The following FGF14 variants were observed in gnomAD, a reference collection of about 807,000 sequenced individuals.
FGF14 encodes fibroblast growth factor homologous factor 4.
In FGF14, 5 loss-of-function variants were observed where a neutral mutation model predicts 25.5. The observed-to-expected ratio is 0.20, with a 90% CI of 0.10 to 0.41. The LOEUF (loss-of-function observed/expected upper bound fraction) is 0.41, where lower values mean the gene tolerates loss of function less well. FGF14 is among the 10% of genes least tolerant of loss of function. The probability of loss-of-function intolerance (pLI) is 1.00; values close to 1 mark genes in which losing one functional copy is unlikely to be tolerated. For synonymous variants in FGF14, 138 were observed against 118.3 expected (o/e 1.17, Z -1.08); for missense variants, 222 against 320.1 (o/e 0.69, Z 2.34).
chr13:101,901,517 A>C (rs1350158088), intron 1 of FGF14, among the ~76,000 whole-genome samples: 1 of 152,128 alleles, frequency 6.6e-6, no homozygotes, highest in Non-Finnish European at 1.5e-5. Context: ...CAGCCTGGAC[A>C]ACATGGTGAA....
At chr13:101,857,834 A>T (rs892557606) in intron 3 of FGF14, among the ~76,000 whole-genome samples, 11 of 152,022 alleles carry the variant, frequency 7.2e-5, no homozygotes, top group Non-Finnish European at 1.0e-4. Flanking sequence ...TTGTTTCAAT[A>T]GCTTATAGTT....
chr13:101,941,445 T>C (rs778413807), intron 1 of FGF14, among the ~76,000 whole-genome samples: 2 of 152,154 alleles, frequency 1.3e-5, no homozygotes, highest in Non-Finnish European at 2.9e-5. Context: ...TTTCTTCCTA[T>C]AGCAAAAAGA....
At chr13:101,737,267 A>G (rs2036252987) in intron 3 of FGF14, among the ~76,000 whole-genome samples, 1 of 152,038 alleles carries the variant, frequency 6.6e-6, no homozygotes, top group African/African-American at 2.4e-5. Context: ...GGTGGCGATT[A>G]TCATGGGAGT....
chr13:102,106,668 G>T, intron 1 of FGF14, among the ~76,000 whole-genome samples: 1 of 151,988 alleles, frequency 6.6e-6, no homozygotes, highest in African/African-American at 2.4e-5. Context: ...GAACTGAAAA[G>T]CCTTTACCCC....
chr13:102,202,440 G>A (rs1188240235), intron 1 of FGF14, among the ~76,000 whole-genome samples: 3 of 152,200 alleles, frequency 2.0e-5, no homozygotes, highest in Admixed American at 1.3e-4. Context: ...ACTACAGAGA[G>A]AGAAGGTGAT....
chr13:102,059,870 C>A (rs111880013), intron 1 of FGF14, among the ~76,000 whole-genome samples: 4,837 of 139,604 alleles, frequency 0.035, 247 homozygotes, highest in African/African-American at 0.12. Flanking sequence ...AAAACAAAAA[C>A]AAAAAAAAAA....
intron 1 of FGF14, among the ~76,000 whole-genome samples, chr13:102,103,438 G>A (rs1276093452): frequency 7.0e-6 from 1 of 141,898 alleles, no homozygotes; most frequent in Non-Finnish European, 1.5e-5. Flanking sequence ...ATATAAATAA[G>A]ATTTTGTTTT....
chr13:101,781,456 T>C (rs1233270484), intron 3 of FGF14, among the ~76,000 whole-genome samples: 1 of 152,160 alleles, frequency 6.6e-6, no homozygotes, highest in Non-Finnish European at 1.5e-5. Flanking sequence ...ATATATCGAA[T>C]AGTAGACTTT....
chr13:102,070,404 A>T (rs1455268738), intron 1 of FGF14, among the ~76,000 whole-genome samples: 1 of 152,234 alleles, frequency 6.6e-6, no homozygotes, highest in African/African-American at 2.4e-5. Flanking sequence ...AGATGTGGAG[A>T]AAAGGGTACC....
chr13:101,836,196 C>A (rs1384532717), intron 3 of FGF14, among the ~76,000 whole-genome samples: 5 of 151,918 alleles, frequency 3.3e-5, no homozygotes, highest in African/African-American at 1.2e-4. Flanking sequence ...CTGGAGAGAA[C>A]AAGAGAACAA....
Position 101,959,576 on chromosome 13 carries a change from T to C in FGF14, c.209-84280A>G, listed in dbSNP as rs553116429. ...CACAATGCTGCACGTGCTGAGCTGT[T>C]ATTCCAACTTGGAGTTTCTTTCCTC... On this transcript the variant is annotated intron_variant, in intron 1 of 4. Coordinates refer to the FGF14 transcript ENST00000376131. 8.3e-4 allele frequency among the ~76,000 whole-genome samples: 127 copies of C among 152,330 alleles called. 3 individuals carry two copies. The South Asian group carries it at 0.025, about 30-fold the overall frequency.
chr13:102,002,286 C>A (rs2039539710), intron 1 of FGF14: 1 of 152,136 alleles, frequency 6.6e-6, no homozygotes, highest in Non-Finnish European at 1.5e-5. Context: ...AAGATTGGAT[C>A]CACGCCCATA....
At chr13:101,775,835 T>C (rs2039071389) in intron 3 of FGF14, among the ~76,000 whole-genome samples, 1 of 152,172 alleles carries the variant, frequency 6.6e-6, no homozygotes, top group South Asian at 2.1e-4. Context: ...ATCTTTACCT[T>C]GTAAAATAAT....
At chr13:102,184,765 T>C (rs750619249) in intron 1 of FGF14, among the ~76,000 whole-genome samples, 1 of 151,906 alleles carries the variant, frequency 6.6e-6, no homozygotes, top group Non-Finnish European at 1.5e-5. Flanking sequence ...GGTATGAGAG[T>C]TCAGAAAGAA....
intron 1 of FGF14, among the ~76,000 whole-genome samples, chr13:102,018,664 C>T (rs2040474486): frequency 6.6e-6 from 1 of 152,034 alleles, no homozygotes; most frequent in South Asian, 2.1e-4. Context: ...GCCTCCTCTT[C>T]CAGCCCTGAG....
intron 1 of FGF14, among the ~76,000 whole-genome samples, chr13:102,372,028 T>C (rs1318572000): frequency 6.6e-6 from 1 of 152,194 alleles, no homozygotes; most frequent in Non-Finnish European, 1.5e-5. Context: ...AAGATGTTCT[T>C]CTATCTGGAT....
chr13:102,102,234 G>A (rs2044696817), intron 1 of FGF14, among the ~76,000 whole-genome samples: 1 of 152,198 alleles, frequency 6.6e-6, no homozygotes, highest in Non-Finnish European at 1.5e-5. Context: ...AGAACAAGGT[G>A]TAAGAAGAAA....
chr13:102,285,665 G>A (rs2054060243), intron 1 of FGF14, among the ~76,000 whole-genome samples: 1 of 152,178 alleles, frequency 6.6e-6, no homozygotes, highest in Admixed American at 6.5e-5. Context: ...CTGTGAACTA[G>A]CCAAATAATA....
intron 3 of FGF14, among the ~76,000 whole-genome samples, chr13:101,795,424 T>G (rs904807823): frequency 1.3e-5 from 2 of 152,218 alleles, no homozygotes; most frequent in South Asian, 4.1e-4. Flanking sequence ...TTGTTTAAGG[T>G]AACTAGTAAC....
Sources: allele counts gnomAD v4.1 joint callset (sites outside exome capture counted in the v4.1 genomes callset), GRCh38; gene constraint gnomAD v4.1.1; transcripts MANE v1.5; gene names NCBI Gene and HGNC (gene_info 2026-07-23, HGNC 2026-07-21).